Variants in XPOT observed in about 807,000 individuals in gnomAD.
XPOT encodes exportin-T.
XPOT carries 34 observed loss-of-function variants against 128.2 expected under a neutral mutation model. The ratio of observed to expected loss-of-function variants is 0.27; its 90% confidence interval spans 0.20 to 0.35. XPOT has a LOEUF of 0.35. Ranked by LOEUF, XPOT falls within the 10% of genes least tolerant of loss-of-function variation. The pLI is 1.00. For synonymous variants in XPOT, 348 were observed against 394.3 expected, an observed-to-expected ratio of 0.88 and a Z score of 1.39; for missense variants, 838 against 1,125.3, an observed-to-expected ratio of 0.74 and a Z score of 3.65.
At chr12:64,421,998 C>T (rs554013510) in intron 9 of XPOT, among the ~76,000 whole-genome samples, 1 of 152,108 alleles carries the variant, frequency 6.6e-6, no homozygotes, top group East Asian at 1.9e-4. Context: ...TTTTAGTAGA[C>T]AGGGTTTCTC....
intron 1 of XPOT, among the ~76,000 whole-genome samples, chr12:64,409,481 A>T (rs1234615120): frequency 1.3e-5 from 2 of 152,208 alleles, no homozygotes; most frequent in Non-Finnish European, 2.9e-5. Flanking sequence ...CATGCCTGTA[A>T]TCCCAGCACT....
At chr12:64,434,976 AG>A in intron 21 of XPOT, 67 bp downstream of exon 21, 1 of 1,301,768 alleles carries the variant, frequency 7.7e-7, no homozygotes, top group Non-Finnish European at 1.1e-6. Flanking sequence ...CTTTAATGCC[AG>A]GTTGATTATA....
chr12:64,418,082 T>C lies in XPOT; in HGVS notation c.237T>C (p.Ile79=). The change falls in exon 5 of 25, where the codon ATT becomes ATC. Residue 79 remains isoleucine, a synonymous_variant. Coordinates refer to ENST00000332707, the MANE Select transcript of XPOT (RefSeq NM_007235.6). ...SELTTVQQQL[I]RETLISWLQA... is the part of the protein sequence containing the mutation. ...TAACCACTGTTCAACAACAGCTAATTAGGGAGACGCTCATATCATGGCTGC... is the reference window on the plus strand; with the variant it reads ...TAACCACTGTTCAACAACAGCTAATCAGGGAGACGCTCATATCATGGCTGC... The C allele has an allele frequency of 6.2e-7, 1 of 1,613,610 alleles. No individual in the cohort carries two copies. The highest frequency in any genetic ancestry group is 1.1e-5 in the South Asian group (1 of 90,968).
intron 15 of XPOT, 81 bp downstream of exon 15, chr12:64,425,990 A>C: frequency 7.5e-7 from 1 of 1,331,962 alleles, no homozygotes; most frequent in Non-Finnish European, 1.1e-6. Flanking sequence ...AAGACATGGA[A>C]TCAACCTAGG....
chr12:64,411,237 A>G (rs1311479913), intron 2 of XPOT, among the ~76,000 whole-genome samples: 1 of 152,258 alleles, frequency 6.6e-6, no homozygotes, highest in African/African-American at 2.4e-5. Flanking sequence ...ATAGGGTTTT[A>G]TGCTACCTAC....
chr12:64,426,333 A>G (rs573066654), intron 15 of XPOT, among the ~76,000 whole-genome samples: 1 of 151,816 alleles, frequency 6.6e-6, no homozygotes, highest in Non-Finnish European at 1.5e-5. Context: ...AATGTAGTAC[A>G]CATACATCAT....
At chr12:64,441,140 C>T (rs1292671826) in intron 23 of XPOT, among the ~76,000 whole-genome samples, 3 of 152,112 alleles carry the variant, frequency 2.0e-5, no homozygotes, top group Non-Finnish European at 2.9e-5. Context: ...TTCTTTTGCA[C>T]GTAGATATCC....
At position 64,425,936 on chromosome 12, in the gene XPOT, T is replaced by G. The variant is rs199625696; in HGVS notation, c.1667+27T>G. On this transcript the variant is annotated intron_variant, in intron 15 of 24. Coordinates refer to ENST00000332707, the MANE Select transcript of XPOT (RefSeq NM_007235.6). The stretch of plus-strand genomic sequence containing the variant: ...TAAGTATAAAATTGCAGCTATTATG[T>G]TTAGTTATTTTTTAAGTTACTGGAT... 2.4e-4 allele frequency: 379 copies of G among 1,586,750 alleles called. 6 individuals carry two copies. The African/African-American group carries it at 4.2e-3, about 18-fold the overall frequency.
In XPOT at chr12:64,450,124, A is replaced by G. The variant is rs1254089576; in HGVS notation, c.*1993A>G. On this transcript the variant is annotated 3_prime_UTR_variant, in exon 25 of 25. Transcript: ENST00000332707. Reference sequence around the variant, plus strand: ...TATATGGATGCTATCTCATATTAGCATATATGGAATTAATAGTGTATCACT... The same window carrying G: ...TATATGGATGCTATCTCATATTAGCGTATATGGAATTAATAGTGTATCACT... 2.0e-5 allele frequency: 3 copies of G among 152,108 alleles called. No individual in the cohort carries two copies. Among genetic ancestry groups the G allele is most frequent in the African/African-American group, 7.2e-5 (3 of 41,424 alleles). 9.4% of individuals were successfully genotyped at this position (152,108 alleles called of 1,614,324 possible). A position where few individuals can be genotyped will look rare whatever the true frequency, so the allele number is the denominator to read the frequency against.
At chr12:64,410,939 A>G (rs2040033024) in intron 2 of XPOT, among the ~76,000 whole-genome samples, 2 of 152,148 alleles carry the variant, frequency 1.3e-5, no homozygotes, top group Non-Finnish European at 2.9e-5. Flanking sequence ...ACTTTTTATA[A>G]ATGAGCTAAA....
intron 22 of XPOT, 132 bp downstream of exon 22, chr12:64,435,806 G>T: frequency 2.6e-6 from 2 of 775,040 alleles, no homozygotes; most frequent in South Asian, 2.7e-5. Flanking sequence ...GGGGATGAAT[G>T]AAAGTAGCAG....
chr12:64,416,644 T>G lies in XPOT; in HGVS notation c.144-54T>G. ...TACTCATTACTATTTTGCCTTTGAT[T>G]TGTTTTCCTCAGTTCATATTCTGCT... On this transcript the variant is annotated intron_variant, in intron 3 of 24. Transcript: ENST00000332707. 4.1e-6 allele frequency: 6 copies of G among 1,470,800 alleles called. No individual in the cohort carries two copies. In the South Asian group the frequency reaches 7.0e-5, roughly 17 times the overall value. The allele number at this position is 1,470,800 out of a possible 1,614,324, so 91.1% of individuals were successfully genotyped here. A position where few individuals can be genotyped will look rare whatever the true frequency, so the allele number is the denominator to read the frequency against.
intron 15 of XPOT, among the ~76,000 whole-genome samples, chr12:64,427,465 C>T (rs2040202527): frequency 1.3e-5 from 2 of 151,854 alleles, no homozygotes; most frequent in South Asian, 4.2e-4. Context: ...CAGCCAAGTA[C>T]TTAGTTCAAT....
chr12:64,443,338 A>T (rs1229728094), intron 23 of XPOT: 1 of 152,264 alleles, frequency 6.6e-6, no homozygotes, highest in Non-Finnish European at 1.5e-5. Context: ...GTCAAACACC[A>T]AAGAGAGGTA....
At chr12:64,417,520 AC>A (rs2040098491) in intron 4 of XPOT, among the ~76,000 whole-genome samples, 1 of 148,948 alleles carries the variant, frequency 6.7e-6, no homozygotes, top group South Asian at 2.1e-4. Flanking sequence ...ATACAGCAAG[AC>A]CTTGTCTCAA....
intron 4 of XPOT, 147 bp downstream of exon 4, chr12:64,416,901 T>C: frequency 1.3e-6 from 1 of 758,100 alleles, no homozygotes; most frequent in Non-Finnish European, 2.1e-6. Flanking sequence ...CGTTTTGATG[T>C]ACCCCAAAGT....
At chr12:64,425,480 A>G in intron 14 of XPOT, 23 bp downstream of exon 14, 1 of 1,611,010 alleles carries the variant, frequency 6.2e-7, no homozygotes, top group Non-Finnish European at 8.5e-7. Flanking sequence ...GATTTTTGTT[A>G]CTTTCCATGG....
chr12:64,412,991 T>A (rs11615509), intron 2 of XPOT, among the ~76,000 whole-genome samples: 23,995 of 152,046 alleles, frequency 0.16, 1,941 homozygotes, highest in Middle Eastern at 0.25. Context: ...CCTCTCAGCA[T>A]CTCGATGTGT....
At chr12:64,446,209 A>G (rs554478980) in intron 24 of XPOT, among the ~76,000 whole-genome samples, 21 of 152,318 alleles carry the variant, frequency 1.4e-4, no homozygotes, top group African/African-American at 4.6e-4. Flanking sequence ...GGTGTCTGTA[A>G]CAGTAGATCT....
Sources: allele counts gnomAD v4.1 joint callset (sites outside exome capture counted in the v4.1 genomes callset), GRCh38; gene constraint gnomAD v4.1.1; transcripts MANE v1.5; gene names NCBI Gene and HGNC (gene_info 2026-07-23, HGNC 2026-07-21).